The following SMYD3 variants were observed in gnomAD, a reference collection of about 807,000 sequenced individuals.
SMYD3 encodes histone-lysine N-methyltransferase SMYD3.
In SMYD3, 36 loss-of-function variants were observed where a neutral mutation model predicts 57.7. The observed-to-expected ratio is 0.62, with a 90% CI of 0.48 to 0.82. SMYD3 has a LOEUF of 0.82. SMYD3 is among the 40% of genes least tolerant of loss of function. The probability of loss-of-function intolerance (pLI) is 0.00; values close to 1 mark genes in which losing one functional copy is unlikely to be tolerated. For missense variants in SMYD3, 515 were observed against 538.8 expected, an observed-to-expected ratio of 0.96 and a Z score of 0.44; for synonymous variants, 211 against 195.0, an observed-to-expected ratio of 1.08 and a Z score of -0.68.
At chr1:245,955,771 T>C (rs12131422) in intron 5 of SMYD3, 7 of 208,064 alleles carry the variant, frequency 3.4e-5, no homozygotes, top group Non-Finnish European at 5.0e-5. Flanking sequence ...GTATCCCCCA[T>C]GGATAAGGAG....
At chr1:245,839,374 T>C (rs972397232) in intron 10 of SMYD3, among the ~76,000 whole-genome samples, 15 of 152,038 alleles carry the variant, frequency 9.9e-5, no homozygotes, top group Non-Finnish European at 1.8e-4. Context: ...TTTCACCGTG[T>C]TAGCCAGGAT....
At chr1:246,002,796 C>G (rs1324892035) in intron 5 of SMYD3, among the ~76,000 whole-genome samples, 1 of 152,118 alleles carries the variant, frequency 6.6e-6, no homozygotes, top group East Asian at 1.9e-4. Context: ...GTCACCCAGC[C>G]TAGAGTGCAG....
chr1:246,281,303 G>C (rs1444283784), intron 5 of SMYD3, among the ~76,000 whole-genome samples: 1 of 152,188 alleles, frequency 6.6e-6, no homozygotes, highest in African/African-American at 2.4e-5. Flanking sequence ...TTCCTTCTTT[G>C]TGAACTCACT....
chr1:245,838,726 A>G (rs1218105479), intron 10 of SMYD3, among the ~76,000 whole-genome samples: 1 of 152,212 alleles, frequency 6.6e-6, no homozygotes, highest in African/African-American at 2.4e-5. Context: ...ACACCTGCCT[A>G]TCTCAAATAA....
chr1:245,825,578 C>T (rs1024014119), intron 10 of SMYD3, among the ~76,000 whole-genome samples: 148 of 152,248 alleles, frequency 9.7e-4, no homozygotes, highest in African/African-American at 2.8e-3. Flanking sequence ...CCTCCCTGGG[C>T]ATCTTGTCCC....
intron 10 of SMYD3, among the ~76,000 whole-genome samples, chr1:245,792,451 T>TA (rs1238562340): frequency 6.6e-6 from 1 of 152,190 alleles, no homozygotes; most frequent in African/African-American, 2.4e-5. Context: ...CCTAATTCTT[T>TA]ATGCCACAAT....
intron 5 of SMYD3, among the ~76,000 whole-genome samples, chr1:246,169,416 A>G (rs999980252): frequency 6.6e-6 from 1 of 150,720 alleles, no homozygotes; most frequent in Non-Finnish European, 1.5e-5. Flanking sequence ...CTCTAACAAT[A>G]TATGTGAAAA....
chr1:245,961,422 C>A (rs1448094340), intron 5 of SMYD3, among the ~76,000 whole-genome samples: 1 of 152,146 alleles, frequency 6.6e-6, no homozygotes, highest in Non-Finnish European at 1.5e-5. Flanking sequence ...CTCACCCTTT[C>A]ACCCTAAAAT....
chr1:246,053,999 T>C (rs114844630), intron 5 of SMYD3, among the ~76,000 whole-genome samples: 2,015 of 152,210 alleles, frequency 0.013, 46 homozygotes, highest in African/African-American at 0.047. Flanking sequence ...AAGTCACAAG[T>C]AAGGAGATAA....
At chr1:246,033,578 G>C (rs1040682378) in intron 5 of SMYD3, among the ~76,000 whole-genome samples, 1 of 152,160 alleles carries the variant, frequency 6.6e-6, no homozygotes, top group African/African-American at 2.4e-5. Flanking sequence ...GTGAGGTCAG[G>C]AGTTCAAGAC....
rs573744141 is a variant in SMYD3, at chr1:246,472,499, T to C, written c.164+34555A>G. On this transcript the variant is annotated intron_variant, in intron 1 of 11. Transcript: ENST00000490107. ...GGCTCATGACTGTAGCCCCAGCACTTTGGGAGGCCAAGACGGGCAGATCAG... is the reference window on the plus strand; with the variant it reads ...GGCTCATGACTGTAGCCCCAGCACTCTGGGAGGCCAAGACGGGCAGATCAG... Among the ~76,000 whole-genome samples, 6 of 152,230 alleles carry C rather than the reference T, an allele frequency of 3.9e-5. No individual in the cohort carries two copies. The South Asian group carries it at 1.2e-3, about 32-fold the overall frequency.
At chr1:245,981,547 T>C (rs916986394) in intron 5 of SMYD3, among the ~76,000 whole-genome samples, 1 of 152,346 alleles carries the variant, frequency 6.6e-6, no homozygotes, top group Middle Eastern at 3.4e-3. Context: ...GGTTCCCTTA[T>C]ACAACTGAAC....
intron 11 of SMYD3, among the ~76,000 whole-genome samples, chr1:245,755,806 C>T (rs1480834254): frequency 6.6e-6 from 1 of 152,068 alleles, no homozygotes; most frequent in African/African-American, 2.4e-5. Context: ...TTACAGACAA[C>T]ATATGCTTGA....
intron 5 of SMYD3, among the ~76,000 whole-genome samples, chr1:246,083,434 G>A (rs1045046297): frequency 6.6e-6 from 1 of 151,622 alleles, no homozygotes; most frequent in Non-Finnish European, 1.5e-5. Flanking sequence ...TTACCCTATT[G>A]TCCTGCCACA....
intron 1 of SMYD3, among the ~76,000 whole-genome samples, chr1:246,411,959 A>G (rs2066980841): frequency 7.0e-6 from 1 of 143,206 alleles, no homozygotes; most frequent in African/African-American, 2.6e-5. Flanking sequence ...CACGTACCCT[A>G]AAACTTAAAG....
Position 246,180,787 on chromosome 1 carries a change from A to G in SMYD3, c.531+146414T>C, listed in dbSNP as rs1327019591. Among the ~76,000 whole-genome samples the G allele has an allele frequency of 3.3e-5, 4 of 121,560 alleles. No homozygotes were observed. The East Asian group carries it at 8.8e-4, about 27-fold the overall frequency. The allele number at this position is 121,560 out of a possible 152,430, so 79.7% of individuals were successfully genotyped here. A position where few individuals can be genotyped will look rare whatever the true frequency, so the allele number is the denominator to read the frequency against. On this transcript the variant is annotated intron_variant, in intron 5 of 11. Coordinates refer to ENST00000490107, the MANE Select transcript of SMYD3 (RefSeq NM_001167740.2). ...AAAAAAAAAAAAAAAAAAAAAAAAA[A>G]AAAAAAAAAACAACTCAGGAGGGCA...
intron 10 of SMYD3, among the ~76,000 whole-genome samples, chr1:245,823,120 A>T (rs997254915): frequency 6.6e-5 from 10 of 152,194 alleles, no homozygotes; most frequent in African/African-American, 2.2e-4. Context: ...ATATAGTAAG[A>T]TAGAGGCCAT....
At chr1:246,079,964 T>C (rs2060611341) in intron 5 of SMYD3, among the ~76,000 whole-genome samples, 1 of 152,142 alleles carries the variant, frequency 6.6e-6, no homozygotes, top group African/African-American at 2.4e-5. Context: ...TAACGGCAGA[T>C]AAGATTAAGT....
chr1:246,066,801 G>A (rs1413239689), intron 5 of SMYD3, among the ~76,000 whole-genome samples: 1 of 152,180 alleles, frequency 6.6e-6, no homozygotes, highest in African/African-American at 2.4e-5. Context: ...AAGCACTGGT[G>A]CATAGCTTCC....
Sources: allele counts gnomAD v4.1 joint callset (sites outside exome capture counted in the v4.1 genomes callset), GRCh38; gene constraint gnomAD v4.1.1; transcripts MANE v1.5; gene names NCBI Gene and HGNC (gene_info 2026-07-23, HGNC 2026-07-21).